Variants in TENM4 observed in about 807,000 individuals in gnomAD.
TENM4 encodes teneurin transmembrane protein 4.
A neutral mutation model predicts 243.3 loss-of-function variants in TENM4; 82 were observed. The observed-to-expected ratio is 0.34, with a 90% CI of 0.28 to 0.40. TENM4 has a LOEUF of 0.40. TENM4 is among the 10% of genes least tolerant of loss of function. The pLI, the probability that TENM4 is intolerant of heterozygous loss-of-function variation, is 1.00. For missense variants in TENM4, 3,138 were observed against 3,673.3 expected (o/e 0.85, Z 3.77); for synonymous variants, 1,412 against 1,456.3 (o/e 0.97, Z 0.69).
At chr11:79,159,141 A>AG in intron 3 of TENM4, among the ~76,000 whole-genome samples, 1 of 152,082 alleles carries the variant, frequency 6.6e-6, no homozygotes, top group Non-Finnish European at 1.5e-5. Context: ...GAGCTATAAG[A>AG]GGGGGGCTCT....
chr11:78,687,944 T>C, intron 29 of TENM4, 110 bp downstream of exon 29: 4 of 1,321,244 alleles, frequency 3.0e-6, no homozygotes, highest in African/African-American at 1.5e-5. Context: ...GTTGCAATGC[T>C]TTCCTGTTCT....
At chr11:79,412,769 G>C (rs1337204913) in intron 1 of TENM4, among the ~76,000 whole-genome samples, 1 of 152,184 alleles carries the variant, frequency 6.6e-6, no homozygotes, top group Non-Finnish European at 1.5e-5. Context: ...TTTCGTGCAT[G>C]CATCCATTCA....
intron 6 of TENM4, among the ~76,000 whole-genome samples, chr11:79,010,668 G>T (rs758346425): frequency 3.9e-5 from 6 of 152,142 alleles, no homozygotes; most frequent in Non-Finnish European, 8.8e-5. Flanking sequence ...TTCAGATCTT[G>T]TGAGACTTAC....
At chr11:79,354,509 T>C (rs962127418) in intron 1 of TENM4, among the ~76,000 whole-genome samples, 8 of 152,236 alleles carry the variant, frequency 5.3e-5, no homozygotes, top group African/African-American at 1.9e-4. Flanking sequence ...CACAGGTCTG[T>C]CTGCTTCAAA....
In TENM4 at chr11:78,726,211, A is replaced by G; in HGVS notation, c.3418T>C (p.Tyr1140His). ...GLSEAFVSVG[Y>H]EYESCPDLIL... ...AGATCTGGGCAGGATTCATATTCAT[A>G]ACCCACGGAAACTGTAGGTGACAGA... The change falls in exon 23 of 34, where the codon TAT becomes CAT. Residue 1140 changes from tyrosine (Y) to histidine (H), a missense_variant. Physicochemically the swap from Tyr to His is moderately conservative, Grantham distance 83. Around this residue, in one of 2 missense-constraint regions of TENM4, gnomAD observed 2,467 missense variants for 3,059.1 expected, o/e 0.81. Coordinates refer to ENST00000278550, the MANE Select transcript of TENM4 (RefSeq NM_001098816.3). 1 of 1,613,856 alleles carries G rather than the reference A, an allele frequency of 6.2e-7. No individual in the cohort carries two copies. The highest frequency in any genetic ancestry group is 1.3e-5 in the African/African-American group (1 of 75,036).
At chr11:79,102,609 G>A (rs1252390705) in intron 4 of TENM4, among the ~76,000 whole-genome samples, 1 of 152,192 alleles carries the variant, frequency 6.6e-6, no homozygotes, top group African/African-American at 2.4e-5. Flanking sequence ...CCCTTGGCAT[G>A]GTGCCTTGCA....
intron 2 of TENM4, among the ~76,000 whole-genome samples, chr11:79,289,465 C>T (rs566521037): frequency 1.3e-5 from 2 of 152,360 alleles, no homozygotes; most frequent in Admixed American, 1.3e-4. Context: ...CACCTGTGGG[C>T]AGTCCACAGC....
intron 1 of TENM4, among the ~76,000 whole-genome samples, chr11:79,301,567 G>C (rs1856549277): frequency 1.3e-5 from 2 of 152,178 alleles, no homozygotes; most frequent in African/African-American, 4.8e-5. Flanking sequence ...CTTAAGCACT[G>C]TTTGGCATGG....
At chr11:78,666,337 C>CTTAA (rs1205600284) in intron 32 of TENM4, among the ~76,000 whole-genome samples, 17 of 152,164 alleles carry the variant, frequency 1.1e-4, no homozygotes, top group African/African-American at 4.1e-4. Flanking sequence ...GTGCATCACA[C>CTTAA]TTAAGTATTC....
chr11:79,225,107 C>T (rs951988976), intron 2 of TENM4, among the ~76,000 whole-genome samples: 6 of 152,142 alleles, frequency 3.9e-5, no homozygotes, highest in Non-Finnish European at 5.9e-5. Flanking sequence ...CAGAGGAGCA[C>T]GGTCCTGCTG....
intron 12 of TENM4, among the ~76,000 whole-genome samples, chr11:78,845,303 CA>C (rs1858364063): frequency 6.6e-6 from 1 of 152,252 alleles, no homozygotes; most frequent in South Asian, 2.1e-4. Flanking sequence ...GTACCTACCA[CA>C]AATCCTATGC....
intron 6 of TENM4, among the ~76,000 whole-genome samples, chr11:78,995,304 T>C (rs1858144694): frequency 6.6e-6 from 1 of 152,126 alleles, no homozygotes; most frequent in African/African-American, 2.4e-5. Context: ...GCATGCCATG[T>C]CAAGAGTTTA....
At chr11:79,028,536 G>A (rs763856397) in intron 6 of TENM4, among the ~76,000 whole-genome samples, 3 of 152,218 alleles carry the variant, frequency 2.0e-5, no homozygotes, top group African/African-American at 4.8e-5. Flanking sequence ...GGGTCAAGAA[G>A]GTTGGGTCTT....
Position 78,854,264 on chromosome 11 carries a change from C to T in TENM4, c.1521G>A (p.Ala507=), listed in dbSNP as rs1048496120. 16 of 1,541,996 alleles carry T rather than the reference C, an allele frequency of 1.0e-5. No individual in the cohort carries two copies. Among genetic ancestry groups the T allele is most frequent in the African/African-American group, 4.1e-5 (3 of 72,642 alleles). ...GGCGCGGGGTCCCCTCTAGGCTCCG[C>T]GCCTCCTGGGTTAGGAGCCTCCTGC... ...LDGRRLLTQE[A]RSLEGTPRQS... Residue 507 remains alanine, a synonymous_variant, in exon 12 of 34, where the codon GCG becomes GCA. Transcript: ENST00000278550.
chr11:78,975,551 A>C (rs1445117480), intron 6 of TENM4, among the ~76,000 whole-genome samples: 1 of 151,838 alleles, frequency 6.6e-6, no homozygotes, highest in East Asian at 1.9e-4. Context: ...AAGTCCTTCC[A>C]AATAGCTGTT....
At chr11:79,216,908 G>A (rs1009832332) in intron 2 of TENM4, among the ~76,000 whole-genome samples, 60 of 152,274 alleles carry the variant, frequency 3.9e-4, no homozygotes, top group African/African-American at 1.4e-3. Flanking sequence ...ATACCACATG[G>A]GAGGGTTGGA....
At position 79,116,501 on chromosome 11, in the gene TENM4, C is replaced by T. The variant is rs1330685020; in HGVS notation, c.-66+32209G>A. The stretch of plus-strand genomic sequence containing the variant: ...TTGACGTTGAACATAATACCCGTGA[C>T]GGTGCTGTGAAATAGTAAAATAGTA... On this transcript the variant is annotated intron_variant, in intron 4 of 33. Coordinates refer to ENST00000278550, the MANE Select transcript of TENM4 (RefSeq NM_001098816.3). Among the ~76,000 whole-genome samples the T allele has an allele frequency of 3.3e-4, 12 of 36,306 alleles. No homozygotes were observed. The South Asian group carries it at 3.8e-3, about 11-fold the overall frequency. 23.8% of individuals were successfully genotyped at this position (36,306 alleles called of 152,430 possible). A position where few individuals can be genotyped will look rare whatever the true frequency, so the allele number is the denominator to read the frequency against.
At chr11:78,873,667 C>CT (rs1442628052) in intron 9 of TENM4, among the ~76,000 whole-genome samples, 2 of 152,186 alleles carry the variant, frequency 1.3e-5, no homozygotes, top group African/African-American at 2.4e-5. Flanking sequence ...GTTATATGGA[C>CT]CTGCCTTTTT....
intron 2 of TENM4, among the ~76,000 whole-genome samples, chr11:79,222,580 A>G (rs900272712): frequency 1.3e-5 from 2 of 152,214 alleles, no homozygotes; most frequent in Non-Finnish European, 2.9e-5. Flanking sequence ...AAGAATTGCC[A>G]CACTGTCTTC....
Sources: gnomAD v4.1 joint callset for allele counts (sites outside exome capture counted in the v4.1 genomes callset) on GRCh38, gnomAD v4.1.1 for gene constraint, gnomAD v4.1.1 regional missense constraint, MANE v1.5 for transcripts, NCBI Gene and HGNC (gene_info 2026-07-23, HGNC 2026-07-21) for gene names.